The following COP1 variants were observed in gnomAD, a reference collection of about 807,000 sequenced individuals.
COP1 encodes the protein COP1 E3 ubiquitin ligase.
A neutral mutation model predicts 101.3 loss-of-function variants in COP1; 24 were observed. That is an observed-to-expected ratio of 0.24 (90% CI 0.17 to 0.33). The LOEUF (loss-of-function observed/expected upper bound fraction) is 0.33. Among genes scored for constraint, COP1 ranks in the 10% least tolerant of loss-of-function variants. The pLI, the probability that COP1 is intolerant of heterozygous loss-of-function variation, is 1.00. For synonymous variants in COP1, 347 were observed against 341.9 expected, an observed-to-expected ratio of 1.01 and a Z score of -0.17; for missense variants, 663 against 906.2, an observed-to-expected ratio of 0.73 and a Z score of 3.45.
chr1:176,142,475 C>A (rs1690852453), intron 6 of COP1, among the ~76,000 whole-genome samples: 1 of 151,892 alleles, frequency 6.6e-6, no homozygotes, highest in African/African-American at 2.4e-5. Flanking sequence ...AAGAAATTCA[C>A]CTAAAAGATA....
At chr1:175,969,855 G>C (rs1325056642) in intron 18 of COP1, among the ~76,000 whole-genome samples, 2 of 151,900 alleles carry the variant, frequency 1.3e-5, no homozygotes, top group Non-Finnish European at 2.9e-5. Context: ...ACAGTTAAAG[G>C]GTAGTTATCT....
At chr1:176,028,556 A>G (rs1468889080) in intron 14 of COP1, among the ~76,000 whole-genome samples, 1 of 150,842 alleles carries the variant, frequency 6.6e-6, no homozygotes, top group African/African-American at 2.4e-5. Flanking sequence ...GAAATGAAAT[A>G]AAAAAAGAAA....
At chr1:175,948,678 A>C (rs1037428692) in intron 18 of COP1, among the ~76,000 whole-genome samples, 1 of 152,212 alleles carries the variant, frequency 6.6e-6, no homozygotes, top group African/African-American at 2.4e-5. Flanking sequence ...TCTTGTTACT[A>C]ATGGCATACA....
intron 10 of COP1, among the ~76,000 whole-genome samples, chr1:176,084,047 G>T (rs921394158): frequency 1.3e-5 from 2 of 152,146 alleles, no homozygotes; most frequent in Non-Finnish European, 1.5e-5. Context: ...TATGCTGCCA[G>T]TGACTTAAAG....
intron 15 of COP1, among the ~76,000 whole-genome samples, chr1:176,002,822 T>G (rs1020943950): frequency 1.3e-5 from 2 of 151,120 alleles, no homozygotes; most frequent in African/African-American, 4.9e-5. Flanking sequence ...AACATACGTG[T>G]GCATGTGTCT....
chr1:176,062,128 G>A (rs1321330019), intron 11 of COP1, among the ~76,000 whole-genome samples: 2 of 152,092 alleles, frequency 1.3e-5, no homozygotes, highest in Non-Finnish European at 2.9e-5. Flanking sequence ...AGCCTCCCGA[G>A]TAGCTGGGAC....
chr1:176,006,271 C>T (rs1285529084), intron 15 of COP1, among the ~76,000 whole-genome samples: 1 of 152,116 alleles, frequency 6.6e-6, no homozygotes, highest in Admixed American at 6.5e-5. Flanking sequence ...TTCCTGAATA[C>T]AGCACACTGA....
chr1:176,157,507 C>T (rs1367919071), intron 5 of COP1, among the ~76,000 whole-genome samples: 3 of 152,118 alleles, frequency 2.0e-5, no homozygotes, highest in Admixed American at 6.5e-5. Flanking sequence ...ATGTTCCCAG[C>T]AGCCAGAGTA....
At chr1:176,007,632 G>T (rs1386839610) in intron 15 of COP1, among the ~76,000 whole-genome samples, 1 of 151,774 alleles carries the variant, frequency 6.6e-6, no homozygotes, top group African/African-American at 2.4e-5. Flanking sequence ...CCCTGCTGGG[G>T]GGTGTCTCCC....
chr1:176,177,196 CTG>C (rs1342691575), intron 2 of COP1, among the ~76,000 whole-genome samples: 2 of 151,816 alleles, frequency 1.3e-5, no homozygotes, highest in African/African-American at 4.8e-5. Flanking sequence ...TGCTAGAGAA[CTG>C]TGATTACAGA....
chr1:176,164,069 C>A (rs1002017688), intron 3 of COP1, among the ~76,000 whole-genome samples, 178 bp from the exon 4 acceptor site: 6 of 152,164 alleles, frequency 3.9e-5, no homozygotes, highest in African/African-American at 1.4e-4. Context: ...AGTTTTGCTG[C>A]AGCTGCTACT....
At chr1:176,128,535 A>T (rs2149686528) in intron 8 of COP1, among the ~76,000 whole-genome samples, 1 of 152,158 alleles carries the variant, frequency 6.6e-6, no homozygotes, top group East Asian at 1.9e-4. Context: ...AAAACAATCA[A>T]ATGGTTTTAC....
intron 3 of COP1, among the ~76,000 whole-genome samples, chr1:176,175,155 CA>C (rs1482715179): frequency 1.3e-5 from 2 of 152,108 alleles, no homozygotes; most frequent in Non-Finnish European, 2.9e-5. Context: ...GCATCACACC[CA>C]AGTTTTTTTG....
intron 15 of COP1, among the ~76,000 whole-genome samples, chr1:176,001,160 T>C (rs757558529): frequency 5.9e-5 from 9 of 152,106 alleles, no homozygotes; most frequent in Non-Finnish European, 1.3e-4. Flanking sequence ...CTACTGCAAA[T>C]CTGACTGATT....
intron 15 of COP1, among the ~76,000 whole-genome samples, chr1:176,023,312 T>C (rs969711198): frequency 2.0e-5 from 3 of 152,168 alleles, no homozygotes; most frequent in African/African-American, 7.2e-5. Flanking sequence ...TACATAATTA[T>C]AGTGGAATGA....
chr1:175,988,160 A>C, intron 17 of COP1, 128 bp downstream of exon 17: 1 of 791,832 alleles, frequency 1.3e-6, no homozygotes, highest in Non-Finnish European at 1.9e-6. Context: ...CTGGGGCATC[A>C]TGTCTATTAT....
At chr1:176,099,351 C>T (rs1391421290) in intron 9 of COP1, among the ~76,000 whole-genome samples, 1 of 152,144 alleles carries the variant, frequency 6.6e-6, no homozygotes, top group Non-Finnish European at 1.5e-5. Context: ...GAACTGAACT[C>T]ACCAAAAACT....
chr1:176,145,419 T>C (rs1268275196), intron 6 of COP1, among the ~76,000 whole-genome samples: 2 of 152,162 alleles, frequency 1.3e-5, no homozygotes, highest in East Asian at 3.8e-4. Flanking sequence ...GAATAACTAA[T>C]ACAACTTGTT....
At chr1:176,165,161 C>T (rs888668882) in intron 3 of COP1, among the ~76,000 whole-genome samples, 14 of 152,184 alleles carry the variant, frequency 9.2e-5, no homozygotes, top group South Asian at 2.1e-4. Context: ...TGATACAGTA[C>T]TTGTAATATA....
Sources: allele counts gnomAD v4.1 joint callset (sites outside exome capture counted in the v4.1 genomes callset), GRCh38; gene constraint gnomAD v4.1.1; transcripts MANE v1.5; gene names NCBI Gene and HGNC (gene_info 2026-07-23, HGNC 2026-07-21).